FHIT: variants seen among roughly 807,000 people sequenced by gnomAD.
FHIT encodes the protein fragile histidine triad diadenosine triphosphatase.
Under a neutral mutation model 17.9 loss-of-function variants are expected in FHIT, and 19 were observed. The ratio of observed to expected loss-of-function variants is 1.06; its 90% confidence interval spans 0.74 to 1.56. FHIT has a LOEUF of 1.56. Ranked by LOEUF, FHIT falls within the 40% of genes most tolerant of loss-of-function variation. The probability of loss-of-function intolerance (pLI) is 0.00; values close to 1 mark genes in which losing one functional copy is unlikely to be tolerated. For synonymous variants in FHIT, 81 were observed against 69.7 expected, an observed-to-expected ratio of 1.16 and a Z score of -0.81; for missense variants, 248 against 189.2, an observed-to-expected ratio of 1.31 and a Z score of -1.82.
At chr3:59,978,094 TG>T (rs1469080049) in intron 7 of FHIT, among the ~76,000 whole-genome samples, 1 of 152,084 alleles carries the variant, frequency 6.6e-6, no homozygotes, top group African/African-American at 2.4e-5. Flanking sequence ...AATAAACCTG[TG>T]GGTAAGTATT....
At chr3:60,565,247 G>A (rs1050922457) in intron 4 of FHIT, among the ~76,000 whole-genome samples, 6 of 152,146 alleles carry the variant, frequency 3.9e-5, no homozygotes, top group East Asian at 1.9e-4. Context: ...GATTTATTGC[G>A]ATAGTCACTT....
chr3:60,458,871 C>T (rs894139811), intron 5 of FHIT, among the ~76,000 whole-genome samples: 1 of 152,046 alleles, frequency 6.6e-6, no homozygotes, highest in Non-Finnish European at 1.5e-5. Flanking sequence ...AACTCCTAGG[C>T]TCAAGGGATC....
At chr3:59,841,787 T>C (rs934507588) in intron 8 of FHIT, among the ~76,000 whole-genome samples, 9 of 152,124 alleles carry the variant, frequency 5.9e-5, no homozygotes, top group Admixed American at 3.9e-4. Context: ...AGTTTGATTA[T>C]AAAGAAAACC....
chr3:60,440,069 G>A (rs35512291), intron 5 of FHIT, among the ~76,000 whole-genome samples: 1 of 152,038 alleles, frequency 6.6e-6, no homozygotes, highest in Non-Finnish European at 1.5e-5. Flanking sequence ...CTAGCCCCCA[G>A]AGTCTCATTT....
Position 60,860,861 on chromosome 3 carries a change from T to G in FHIT, c.-110-38850A>C, listed in dbSNP as rs566414006. On this transcript the variant is annotated intron_variant, in intron 3 of 9. Coordinates refer to ENST00000492590, the MANE Select transcript of FHIT (RefSeq NM_002012.4). ...CATATATCAGGTATATATGAACATATGTACATATATATCATGTATATATGA... is the reference window on the plus strand; with the variant it reads ...CATATATCAGGTATATATGAACATAGGTACATATATATCATGTATATATGA... Among the ~76,000 whole-genome samples, 32 of 92,256 alleles carry G rather than the reference T, an allele frequency of 3.5e-4. 7 individuals are homozygous for G. In the South Asian group the frequency reaches 9.5e-3, roughly 27 times the overall value. The allele number at this position is 92,256 out of a possible 152,430, so 60.5% of individuals were successfully genotyped here. A position where few individuals can be genotyped will look rare whatever the true frequency, so the allele number is the denominator to read the frequency against.
At chr3:60,582,449 A>C (rs2037778242) in intron 4 of FHIT, among the ~76,000 whole-genome samples, 1 of 152,116 alleles carries the variant, frequency 6.6e-6, no homozygotes, top group Non-Finnish European at 1.5e-5. Context: ...CTGAACTACG[A>C]AAATCATTTT....
intron 5 of FHIT, among the ~76,000 whole-genome samples, chr3:60,361,811 G>C (rs899279382): frequency 6.6e-6 from 1 of 152,126 alleles, no homozygotes; most frequent in Non-Finnish European, 1.5e-5. Context: ...AAGGGCAATA[G>C]TAAAGGAGGA....
intron 1 of FHIT, among the ~76,000 whole-genome samples, chr3:61,246,056 GGTC>G (rs1473592370): frequency 6.6e-6 from 1 of 152,144 alleles, no homozygotes; most frequent in East Asian, 1.9e-4. Context: ...AGTGACCTCT[GGTC>G]GTCCTCACTG....
chr3:60,751,527 G>T (rs577614504), intron 4 of FHIT, among the ~76,000 whole-genome samples: 1 of 152,292 alleles, frequency 6.6e-6, no homozygotes, highest in South Asian at 2.1e-4. Context: ...GCCAATGATG[G>T]CATAATGTCC....
intron 5 of FHIT, among the ~76,000 whole-genome samples, chr3:60,477,312 G>C (rs1053797693): frequency 6.6e-6 from 1 of 152,058 alleles, no homozygotes; most frequent in Non-Finnish European, 1.5e-5. Flanking sequence ...CAAAATGAAG[G>C]CTACTAAGAG....
At chr3:60,088,869 C>G (rs1703611131) in intron 5 of FHIT, among the ~76,000 whole-genome samples, 1 of 152,150 alleles carries the variant, frequency 6.6e-6, no homozygotes, top group Admixed American at 6.5e-5. Context: ...AAGTGCCTGA[C>G]ACATGGTAGG....
At chr3:60,368,931 T>C (rs1429321624) in intron 5 of FHIT, among the ~76,000 whole-genome samples, 1 of 152,122 alleles carries the variant, frequency 6.6e-6, no homozygotes, top group Non-Finnish European at 1.5e-5. Flanking sequence ...ACTAGTTGGC[T>C]GTTAACTCCA....
intron 5 of FHIT, among the ~76,000 whole-genome samples, chr3:60,292,706 G>C (rs949630518): frequency 3.3e-5 from 5 of 152,082 alleles, no homozygotes; most frequent in African/African-American, 1.2e-4. Flanking sequence ...GGAAATCAAA[G>C]AATGAAAGCT....
chr3:60,304,586 TAG>T (rs887832562), intron 5 of FHIT, among the ~76,000 whole-genome samples: 1 of 152,136 alleles, frequency 6.6e-6, no homozygotes, highest in African/African-American at 2.4e-5. Context: ...CATCATAAAA[TAG>T]AGTTTTTAGA....
chr3:60,476,104 G>A (rs1264326940), intron 5 of FHIT, among the ~76,000 whole-genome samples: 1 of 152,180 alleles, frequency 6.6e-6, no homozygotes, highest in Non-Finnish European at 1.5e-5. Context: ...TGATGGCTGT[G>A]CAGTCACAGA....
At chr3:60,247,603 T>C (rs544712173) in intron 5 of FHIT, among the ~76,000 whole-genome samples, 24 of 152,306 alleles carry the variant, frequency 1.6e-4, no homozygotes, top group African/African-American at 4.1e-4. Flanking sequence ...ATAATAATCA[T>C]ATACGCCCAG....
intron 5 of FHIT, among the ~76,000 whole-genome samples, chr3:60,277,702 G>T (rs555547586): frequency 6.6e-6 from 1 of 152,194 alleles, no homozygotes; most frequent in South Asian, 2.1e-4. Flanking sequence ...TCTGCCACAG[G>T]CTGGAAGTCT....
chr3:59,925,464 C>T (rs1314775119), intron 7 of FHIT, among the ~76,000 whole-genome samples: 3 of 152,156 alleles, frequency 2.0e-5, no homozygotes, highest in East Asian at 1.9e-4. Context: ...ACTCTCCTTG[C>T]GTGGTCCTCA....
At chr3:59,807,063 C>T (rs1700232351) in intron 8 of FHIT, among the ~76,000 whole-genome samples, 1 of 152,162 alleles carries the variant, frequency 6.6e-6, no homozygotes. Context: ...TGATCCCTCT[C>T]TTATCCAAAA....
Sources: gnomAD v4.1 joint callset for allele counts (sites outside exome capture counted in the v4.1 genomes callset) on GRCh38, gnomAD v4.1.1 for gene constraint, MANE v1.5 for transcripts, NCBI Gene and HGNC (gene_info 2026-07-23, HGNC 2026-07-21) for gene names.